Variants in MAN1A1 observed in about 807,000 individuals in gnomAD.
MAN1A1 encodes mannosyl-oligosaccharide 1,2-alpha-mannosidase IA.
In MAN1A1, 29 loss-of-function variants were observed where a neutral mutation model predicts 70.8. The ratio of observed to expected loss-of-function variants is 0.41; its 90% confidence interval spans 0.31 to 0.56. MAN1A1 has a LOEUF of 0.56. Among genes scored for constraint, MAN1A1 ranks in the 20% least tolerant of loss-of-function variants. The probability of loss-of-function intolerance (pLI) is 0.29; values close to 1 mark genes in which losing one functional copy is unlikely to be tolerated. For missense variants in MAN1A1, 747 were observed against 841.3 expected (o/e 0.89, Z 1.39); for synonymous variants, 349 against 330.1 (o/e 1.06, Z -0.62).
At chr6:119,283,838 A>G (rs1264957567) in intron 5 of MAN1A1, among the ~76,000 whole-genome samples, 1 of 152,202 alleles carries the variant, frequency 6.6e-6, no homozygotes, top group Non-Finnish European at 1.5e-5. Context: ...TTTTAAGGCC[A>G]CATGGACCAG....
intron 4 of MAN1A1, among the ~76,000 whole-genome samples, chr6:119,296,138 A>C (rs1413146481): frequency 6.6e-6 from 1 of 152,200 alleles, no homozygotes; most frequent in Non-Finnish European, 1.5e-5. Context: ...TTCACAGTGT[A>C]AGTCAGTCTG....
intron 6 of MAN1A1, among the ~76,000 whole-genome samples, chr6:119,232,803 A>G (rs1244342959): frequency 6.6e-6 from 1 of 151,648 alleles, no homozygotes; most frequent in Non-Finnish European, 1.5e-5. Context: ...ATAGCTTCTA[A>G]ATTCATAATT....
chr6:119,300,093 T>G (rs1772346130), intron 4 of MAN1A1, among the ~76,000 whole-genome samples: 1 of 152,194 alleles, frequency 6.6e-6, no homozygotes, highest in African/African-American at 2.4e-5. Context: ...CAGTTTTCCA[T>G]CATTAGTGTT....
At chr6:119,235,921 T>G (rs1367575481) in intron 6 of MAN1A1, among the ~76,000 whole-genome samples, 1 of 151,996 alleles carries the variant, frequency 6.6e-6, no homozygotes, top group Admixed American at 6.6e-5. Context: ...GCGGATCACT[T>G]GAGGTCAGGA....
chr6:119,264,475 C>A (rs937596708), intron 5 of MAN1A1, among the ~76,000 whole-genome samples: 1 of 152,188 alleles, frequency 6.6e-6, no homozygotes, highest in Non-Finnish European at 1.5e-5. Context: ...CCTGAATGTG[C>A]AGTTTAACAA....
At chr6:119,270,297 A>G (rs895679574) in intron 5 of MAN1A1, among the ~76,000 whole-genome samples, 29 of 152,302 alleles carry the variant, frequency 1.9e-4, no homozygotes, top group African/African-American at 6.7e-4. Context: ...ATATATGCAT[A>G]TTTATGTATA....
chr6:119,209,090 CA>C (rs34328766), intron 6 of MAN1A1, among the ~76,000 whole-genome samples: 2,768 of 89,042 alleles, frequency 0.031, 84 homozygotes, highest in African/African-American at 0.11. Flanking sequence ...GACCCCGTCT[CA>C]AAAAAAAAAA....
At chr6:119,269,309 A>G in intron 5 of MAN1A1, 2 of 274,866 alleles carry the variant, frequency 7.3e-6, no homozygotes, top group South Asian at 3.1e-5. Flanking sequence ...AAACTCGTGA[A>G]CCAGGCACCC....
intron 5 of MAN1A1, among the ~76,000 whole-genome samples, chr6:119,261,555 G>C (rs1649943238): frequency 6.6e-6 from 1 of 152,056 alleles, no homozygotes; most frequent in Non-Finnish European, 1.5e-5. Context: ...ATAGGAAAAG[G>C]ATCAAGTAAT....
At chr6:119,214,432 CAG>C (rs1400831920) in intron 6 of MAN1A1, among the ~76,000 whole-genome samples, 1 of 152,126 alleles carries the variant, frequency 6.6e-6, no homozygotes, top group Non-Finnish European at 1.5e-5. Flanking sequence ...CAAAATATGT[CAG>C]TGTTGACAGA....
chr6:119,208,945 A>G (rs1773965927), intron 6 of MAN1A1, among the ~76,000 whole-genome samples: 1 of 151,970 alleles, frequency 6.6e-6, no homozygotes, highest in Non-Finnish European at 1.5e-5. Flanking sequence ...AAATACAAAA[A>G]TTAGCTGGGC....
intron 5 of MAN1A1, chr6:119,269,259 T>C (rs1002264191): frequency 1.2e-4 from 33 of 285,458 alleles, no homozygotes; most frequent in African/African-American, 6.2e-4. Context: ...GCCTTCTTCC[T>C]CTTCTCCTGG....
At chr6:119,210,467 T>C (rs1314723103) in intron 6 of MAN1A1, among the ~76,000 whole-genome samples, 2 of 152,182 alleles carry the variant, frequency 1.3e-5, no homozygotes, top group Admixed American at 1.3e-4. Flanking sequence ...AAATATATAC[T>C]GCATTTTTCA....
At chr6:119,227,617 ACAC>A (rs896904923) in intron 6 of MAN1A1, among the ~76,000 whole-genome samples, 1 of 152,146 alleles carries the variant, frequency 6.6e-6, no homozygotes, top group Middle Eastern at 3.2e-3. Context: ...CCACAGGTGC[ACAC>A]CACCATGAGC....
At chr6:119,328,575 G>C (rs1448550571) in intron 2 of MAN1A1, among the ~76,000 whole-genome samples, 2 of 152,166 alleles carry the variant, frequency 1.3e-5, no homozygotes, top group African/African-American at 4.8e-5. Context: ...TGCTGTTCAG[G>C]GGATAAGAAC....
At chr6:119,193,058 C>T (rs1332400898) in intron 9 of MAN1A1, among the ~76,000 whole-genome samples, 2 of 152,034 alleles carry the variant, frequency 1.3e-5, no homozygotes, top group Non-Finnish European at 2.9e-5. Flanking sequence ...TTAAAAGGAA[C>T]AGGTGCTGAT....
chr6:119,319,810 A>G (rs1772958694), intron 2 of MAN1A1, among the ~76,000 whole-genome samples: 1 of 152,158 alleles, frequency 6.6e-6, no homozygotes, highest in African/African-American at 2.4e-5. Context: ...AGAAGTGGCT[A>G]TTGGTCAAAG....
intron 6 of MAN1A1, among the ~76,000 whole-genome samples, chr6:119,244,385 A>G (rs921799812): frequency 3.3e-5 from 5 of 152,088 alleles, no homozygotes; most frequent in Non-Finnish European, 5.9e-5. Flanking sequence ...TCATTCTATG[A>G]TCATATTGGT....
intron 4 of MAN1A1, among the ~76,000 whole-genome samples, chr6:119,293,687 C>G (rs1772116361): frequency 6.6e-6 from 1 of 151,974 alleles, no homozygotes; most frequent in Non-Finnish European, 1.5e-5. Context: ...TTTCAGTATT[C>G]TAGGTTGTAT....
Sources: gnomAD v4.1 joint callset for allele counts (sites outside exome capture counted in the v4.1 genomes callset) on GRCh38, gnomAD v4.1.1 for gene constraint, MANE v1.5 for transcripts, NCBI Gene and HGNC (gene_info 2026-07-23, HGNC 2026-07-21) for gene names.